CNTNAP2: variants seen among roughly 807,000 people sequenced by gnomAD.
CNTNAP2 encodes the protein contactin associated protein 2, also known as contactin-associated protein-like 2.
Under a neutral mutation model 155.2 loss-of-function variants are expected in CNTNAP2, and 98 were observed. The ratio of observed to expected loss-of-function variants is 0.63; its 90% CI spans 0.54 to 0.75. The LOEUF (loss-of-function observed/expected upper bound fraction) is 0.75. Ranked by LOEUF, CNTNAP2 falls within the 30% of genes least tolerant of loss-of-function variation. The pLI is 0.00. For missense variants in CNTNAP2, 1,727 were observed against 1,688.1 expected (o/e 1.02, Z -0.40); for synonymous variants, 651 against 631.2 (o/e 1.03, Z -0.47).
intron 15 of CNTNAP2, among the ~76,000 whole-genome samples, chr7:148,033,600 CT>C (rs991134580): frequency 6.6e-6 from 1 of 152,146 alleles, no homozygotes; most frequent in African/African-American, 2.4e-5. Context: ...AGACAACCTC[CT>C]TTAGAGATGT....
intron 8 of CNTNAP2, among the ~76,000 whole-genome samples, chr7:147,135,768 T>C (rs1801465517): frequency 6.7e-6 from 1 of 149,364 alleles, no homozygotes; most frequent in African/African-American, 2.5e-5. Flanking sequence ...TTTTCTTTTC[T>C]TTTGCTTTAT....
At chr7:146,612,175 A>G (rs1324487831) in intron 1 of CNTNAP2, among the ~76,000 whole-genome samples, 4 of 152,132 alleles carry the variant, frequency 2.6e-5, no homozygotes, top group African/African-American at 9.7e-5. Flanking sequence ...AATCCCTAGT[A>G]GATACGACAA....
chr7:148,124,328 A>G (rs1157031816), intron 16 of CNTNAP2, among the ~76,000 whole-genome samples: 1 of 152,212 alleles, frequency 6.6e-6, no homozygotes, highest in Non-Finnish European at 1.5e-5. Flanking sequence ...AAAAAAATTT[A>G]TGGAGCAGAT....
At chr7:148,039,560 C>T (rs1802631149) in intron 15 of CNTNAP2, among the ~76,000 whole-genome samples, 2 of 152,196 alleles carry the variant, frequency 1.3e-5, no homozygotes, top group Non-Finnish European at 2.9e-5. Flanking sequence ...TAGTGATTTA[C>T]CTCCAGGTCA....
chr7:147,881,384 T>C (rs902111086), intron 13 of CNTNAP2, among the ~76,000 whole-genome samples: 1 of 152,194 alleles, frequency 6.6e-6, no homozygotes, highest in Non-Finnish European at 1.5e-5. Context: ...TGGGACTGAA[T>C]TCATGAAGTC....
rs568667259 is a variant in CNTNAP2, at chr7:147,521,439, C to A, written c.1777+35398C>A. ...GCTTATTTGAAAGCAGTGCTTAGAT[C>A]TACCTACAGTCTAGGCATACTGCTA... On this transcript the variant is annotated intron_variant, in intron 11 of 23. Transcript: ENST00000361727. Among the ~76,000 whole-genome samples the A allele has an allele frequency of 2.0e-5, 3 of 152,280 alleles. No individual in the cohort carries two copies. The South Asian group carries it at 6.2e-4, about 32-fold the overall frequency.
At chr7:146,151,029 G>A (rs932278527) in intron 1 of CNTNAP2, among the ~76,000 whole-genome samples, 4 of 152,012 alleles carry the variant, frequency 2.6e-5, no homozygotes, top group Non-Finnish European at 4.4e-5. Flanking sequence ...TTCATCACAA[G>A]GTGGCAGGAA....
chr7:147,177,973 A>G (rs73156409), intron 8 of CNTNAP2, among the ~76,000 whole-genome samples: 1 of 152,196 alleles, frequency 6.6e-6, no homozygotes, highest in Non-Finnish European at 1.5e-5. Context: ...TGACTATAAT[A>G]CTTACATGCA....
At chr7:147,687,510 G>A (rs141397037) in intron 13 of CNTNAP2, among the ~76,000 whole-genome samples, 2,499 of 152,162 alleles carry the variant, frequency 0.016, 224 homozygotes, top group Admixed American at 0.15. Flanking sequence ...AAGAAGGAGA[G>A]TGAATGAAAT....
At chr7:147,382,951 T>C (rs1796561034) in intron 9 of CNTNAP2, among the ~76,000 whole-genome samples, 1 of 152,238 alleles carries the variant, frequency 6.6e-6, no homozygotes, top group Non-Finnish European at 1.5e-5. Context: ...AGTAACATTG[T>C]TTTTAATCCT....
At chr7:148,235,561 G>T (rs906394281) in intron 20 of CNTNAP2, among the ~76,000 whole-genome samples, 3 of 152,028 alleles carry the variant, frequency 2.0e-5, no homozygotes, top group African/African-American at 7.2e-5. Flanking sequence ...CCAAATTATT[G>T]TCCATTATTC....
At chr7:147,032,415 A>G (rs529077128) in intron 3 of CNTNAP2, among the ~76,000 whole-genome samples, 1 of 152,316 alleles carries the variant, frequency 6.6e-6, no homozygotes, top group Admixed American at 6.5e-5. Flanking sequence ...TGCAGAAGTG[A>G]TATTTTCTTC....
At chr7:147,742,154 G>A (rs915704327) in intron 13 of CNTNAP2, among the ~76,000 whole-genome samples, 1 of 152,088 alleles carries the variant, frequency 6.6e-6, no homozygotes, top group Non-Finnish European at 1.5e-5. Flanking sequence ...CCTTCCACTG[G>A]GTCCCTCTCA....
At chr7:146,694,613 G>T (rs979632383) in intron 1 of CNTNAP2, among the ~76,000 whole-genome samples, 1 of 152,096 alleles carries the variant, frequency 6.6e-6, no homozygotes, top group African/African-American at 2.4e-5. Context: ...TTTAGAATCA[G>T]TGTGTCAATA....
chr7:147,110,930 A>G (rs927716559), intron 5 of CNTNAP2, among the ~76,000 whole-genome samples: 8 of 152,190 alleles, frequency 5.3e-5, no homozygotes, highest in Non-Finnish European at 7.3e-5. Context: ...TTCTGCCTCT[A>G]GGTCTTTGAG....
chr7:146,391,001 A>G (rs1157631594), intron 1 of CNTNAP2, among the ~76,000 whole-genome samples: 1 of 114,524 alleles, frequency 8.7e-6, no homozygotes, highest in Non-Finnish European at 1.8e-5. Flanking sequence ...TGGCAGGCAG[A>G]GATTACAGTG....
chr7:147,335,301 CTT>C (rs1181355065), intron 9 of CNTNAP2, among the ~76,000 whole-genome samples: 1 of 152,114 alleles, frequency 6.6e-6, no homozygotes, highest in Admixed American at 6.6e-5. Context: ...ACTAGAAAAA[CTT>C]TATTTGGTTT....
chr7:147,556,147 C>T (rs1308737790), intron 11 of CNTNAP2, among the ~76,000 whole-genome samples: 1 of 152,106 alleles, frequency 6.6e-6, no homozygotes, highest in Non-Finnish European at 1.5e-5. Context: ...CTATGTGGAC[C>T]TTTAAAGTCA....
intron 1 of CNTNAP2, among the ~76,000 whole-genome samples, chr7:146,698,462 A>G (rs1368907476): frequency 6.6e-6 from 1 of 152,076 alleles, no homozygotes; most frequent in Non-Finnish European, 1.5e-5. Flanking sequence ...TAAATATTTA[A>G]AATTTTATAC....
Sources: allele counts gnomAD v4.1 joint callset (sites outside exome capture counted in the v4.1 genomes callset), GRCh38; gene constraint gnomAD v4.1.1; transcripts MANE v1.5; gene names NCBI Gene and HGNC (gene_info 2026-07-23, HGNC 2026-07-21).